Variants in CDKN2B-AS1 observed in about 807,000 individuals in gnomAD.
CDKN2B-AS1 encodes CDKN2B and CDKN2A antisense cis and trans regulatory RNA 1, also known as CDKN2B antisense RNA 1 (non-protein coding).
intron 2 of CDKN2B-AS1, among the ~76,000 whole-genome samples, chr9:22,047,831 GGCTGT>G (rs1333548597): frequency 2.0e-5 from 3 of 151,416 alleles, no homozygotes; most frequent in African/African-American, 7.3e-5. Flanking sequence ...CTGTTGCCCA[GGCTGT>G]AATGCAGTGG....
chr9:22,029,521 C>T (rs750439513), intron 1 of CDKN2B-AS1: 1 of 779,504 alleles, frequency 1.3e-6, no homozygotes, highest in Admixed American at 1.7e-5. Context: ...CATCTGATCT[C>T]CGTCCTGGCC....
intron 4 of CDKN2B-AS1, among the ~76,000 whole-genome samples, chr9:22,097,018 C>A (rs1825300693): frequency 6.6e-6 from 1 of 152,194 alleles, no homozygotes; most frequent in South Asian, 2.1e-4. Flanking sequence ...CAGGCTCCCA[C>A]TTCTCTGGGC....
chr9:22,012,637 G>T, intron 1 of CDKN2B-AS1: 1 of 377,510 alleles, frequency 2.6e-6, no homozygotes, highest in Non-Finnish European at 5.0e-6. Flanking sequence ...AAAAAAGTAT[G>T]AATAGAACTG....
Position 22,032,192 on chromosome 9 carries a change from G to C in CDKN2B-AS1, n.30-14559G>C, listed in dbSNP as rs74843882. ...TCATTTGTGATTCAGCTATACATAA[G>C]TCTACAAAAGTCATTCCAGAAGTGA... On this transcript the variant is annotated intron_variant and non_coding_transcript_variant, in intron 1 of 4. Transcript: ENST00000650946. Among the ~76,000 whole-genome samples, 42 of 152,234 alleles carry C rather than the reference G, an allele frequency of 2.8e-4. 1 individual carries two copies. In the East Asian group the frequency reaches 7.9e-3, roughly 29 times the overall value.
chr9:22,021,606 A>G (rs539581422), intron 1 of CDKN2B-AS1, among the ~76,000 whole-genome samples: 1 of 152,090 alleles, frequency 6.6e-6, no homozygotes, highest in Non-Finnish European at 1.5e-5. Context: ...TTCCTTGAGC[A>G]GTAGTTTGTG....
rs190328844 is a variant in CDKN2B-AS1, at chr9:22,025,301, C to T, written n.30-21450C>T. On this transcript the variant is annotated intron_variant and non_coding_transcript_variant, in intron 1 of 4. Transcript: ENST00000650946. ...GGACCTGTGGGAGATGGACTGGCCT[C>T]CTCTCCTTGAGTCAACTGCTGCTTA... Among the ~76,000 whole-genome samples the T allele has an allele frequency of 1.3e-3, 198 of 152,308 alleles. 1 individual carries two copies. Among genetic ancestry groups the T allele is most frequent in the African/African-American group, 4.5e-3 (186 of 41,560 alleles).
chr9:22,068,339 A>C (rs1824147944), intron 4 of CDKN2B-AS1, among the ~76,000 whole-genome samples: 1 of 152,202 alleles, frequency 6.6e-6, no homozygotes, highest in Admixed American at 6.5e-5. Flanking sequence ...TTAGGGAAGG[A>C]AAGCTCAGAA....
chr9:22,112,960 C>G (rs1015909012), intron 4 of CDKN2B-AS1, among the ~76,000 whole-genome samples: 1 of 152,162 alleles, frequency 6.6e-6, no homozygotes, highest in Admixed American at 6.5e-5. Flanking sequence ...CTTCAGTTTA[C>G]TGCTTGCTGT....
At chr9:22,036,437 G>A (rs1822691582) in intron 1 of CDKN2B-AS1, among the ~76,000 whole-genome samples, 1 of 151,970 alleles carries the variant, frequency 6.6e-6, no homozygotes, top group Non-Finnish European at 1.5e-5. Context: ...TAATTCTAGA[G>A]GTATAACAAC....
At chr9:22,095,897 T>A (rs1825258192) in intron 4 of CDKN2B-AS1, among the ~76,000 whole-genome samples, 2 of 151,636 alleles carry the variant, frequency 1.3e-5, no homozygotes, top group African/African-American at 4.9e-5. Flanking sequence ...TATCAGAGAC[T>A]AGGATTGCAA....
chr9:22,034,207 T>G (rs1458100012), intron 1 of CDKN2B-AS1, among the ~76,000 whole-genome samples: 3 of 152,218 alleles, frequency 2.0e-5, no homozygotes, highest in Non-Finnish European at 4.4e-5. Context: ...CTTTCCATAT[T>G]AAAATTCTAT....
chr9:22,062,669 T>C (rs189505716), intron 4 of CDKN2B-AS1, among the ~76,000 whole-genome samples: 1 of 152,258 alleles, frequency 6.6e-6, no homozygotes, highest in East Asian at 1.9e-4. Context: ...TGAGGTGATA[T>C]TCTGTCATCT....
At chr9:22,047,178 T>C (rs1471967884) in intron 2 of CDKN2B-AS1, among the ~76,000 whole-genome samples, 2 of 152,130 alleles carry the variant, frequency 1.3e-5, no homozygotes, top group Non-Finnish European at 2.9e-5. Flanking sequence ...TCACCTCCTT[T>C]CCCTTCCTTT....
chr9:22,066,306 C>G (rs1320643162), intron 4 of CDKN2B-AS1: 1 of 151,940 alleles, frequency 6.6e-6, no homozygotes, highest in Non-Finnish European at 1.5e-5. Flanking sequence ...CTTGAACTCC[C>G]AGGCTCAAAC....
chr9:22,038,395 T>C (rs1822772951), intron 1 of CDKN2B-AS1, among the ~76,000 whole-genome samples: 1 of 151,984 alleles, frequency 6.6e-6, no homozygotes, highest in African/African-American at 2.4e-5. Flanking sequence ...AGCTTAACTA[T>C]TTTGCCAGCG....
intron 4 of CDKN2B-AS1, among the ~76,000 whole-genome samples, chr9:22,082,038 C>G (rs1824717991): frequency 1.3e-5 from 2 of 152,336 alleles, no homozygotes; most frequent in Admixed American, 1.3e-4. Flanking sequence ...TCTTGTTGGT[C>G]TCATCCTCCA....
chr9:22,023,134 G>A (rs1822081225), intron 1 of CDKN2B-AS1, among the ~76,000 whole-genome samples: 6 of 151,978 alleles, frequency 3.9e-5, no homozygotes, highest in Admixed American at 3.9e-4. Context: ...ATCTTACTGG[G>A]GTTCTCTGCA....
intron 3 of CDKN2B-AS1, chr9:22,056,234 A>ATATTT (rs777560826): frequency 2.0e-5 from 2 of 98,270 alleles, no homozygotes; most frequent in East Asian, 3.3e-4. Context: ...ATATATATAT[A>ATATTT]TTTTTTTTTT....
chr9:22,099,110 C>T (rs1825392298), intron 4 of CDKN2B-AS1, among the ~76,000 whole-genome samples: 1 of 152,088 alleles, frequency 6.6e-6, no homozygotes, highest in African/African-American at 2.4e-5. Context: ...TCTTGAAGGA[C>T]AAATGGTATT....
Sources: gnomAD v4.1 joint callset for allele counts (sites outside exome capture counted in the v4.1 genomes callset) on GRCh38, gnomAD v4.1.1 for gene constraint, MANE v1.5 for transcripts, NCBI Gene and HGNC (gene_info 2026-07-23, HGNC 2026-07-21) for gene names.